Variants in VRK2 observed in about 807,000 individuals in gnomAD.
VRK2 encodes the protein serine/threonine-protein kinase VRK2.
VRK2 carries 60 observed loss-of-function variants against 57.6 expected under a neutral mutation model. The observed-to-expected ratio is 1.04, with a 90% confidence interval of 0.85 to 1.29. VRK2 has a LOEUF of 1.29. Among genes scored for constraint, VRK2 ranks in the 50% most tolerant of loss-of-function variants. The probability of loss-of-function intolerance (pLI) is 0.00; values close to 1 mark genes in which losing one functional copy is unlikely to be tolerated. For missense variants in VRK2, 705 were observed against 588.1 expected, an observed-to-expected ratio of 1.20 and a Z score of -2.06; for synonymous variants, 231 against 199.2, an observed-to-expected ratio of 1.16 and a Z score of -1.35.
chr2:58,047,480 G>A (rs967733813), intron 1 of VRK2: 10 of 985,190 alleles, frequency 1.0e-5, no homozygotes, highest in Non-Finnish European at 1.2e-5. Flanking sequence ...TGTACATTTC[G>A]TAGAGTCTCC....
At chr2:58,128,427 G>T (rs1230684273) in intron 8 of VRK2, among the ~76,000 whole-genome samples, 1 of 152,106 alleles carries the variant, frequency 6.6e-6, no homozygotes, top group Non-Finnish European at 1.5e-5. Context: ...CACTTCCTGG[G>T]TTCAAGCAAT....
intron 9 of VRK2, 145 bp downstream of exon 9, chr2:58,132,073 AAAC>A: frequency 1.0e-6 from 1 of 993,266 alleles, no homozygotes; most frequent in South Asian, 1.9e-5. Context: ...TGTTTTAAAA[AAAC>A]CAAACAACTA....
chr2:58,073,960 T>C (rs1669714613), intron 2 of VRK2, among the ~76,000 whole-genome samples: 1 of 152,024 alleles, frequency 6.6e-6, no homozygotes, highest in Non-Finnish European at 1.5e-5. Flanking sequence ...GACCTGCCTT[T>C]CCCAGCCCAC....
At chr2:57,942,229 T>G (rs1423097877) in intron 1 of VRK2, among the ~76,000 whole-genome samples, 1 of 152,256 alleles carries the variant, frequency 6.6e-6, no homozygotes, top group Non-Finnish European at 1.5e-5. Context: ...TGACTCATTC[T>G]GATGCTTCTA....
intron 7 of VRK2, among the ~76,000 whole-genome samples, chr2:58,106,482 T>C (rs1315712840): frequency 1.3e-5 from 2 of 152,040 alleles, no homozygotes; most frequent in Non-Finnish European, 2.9e-5. Context: ...TACTTTAATT[T>C]ATGGCAGTAT....
intron 1 of VRK2, among the ~76,000 whole-genome samples, chr2:57,964,563 G>C (rs1288608024): frequency 1.3e-5 from 2 of 152,110 alleles, no homozygotes; most frequent in Non-Finnish European, 2.9e-5. Flanking sequence ...TGTTGTTCAA[G>C]AGCCAAATGT....
intron 2 of VRK2, among the ~76,000 whole-genome samples, chr2:58,068,348 G>A (rs773249108): frequency 6.6e-6 from 1 of 152,078 alleles, no homozygotes; most frequent in Non-Finnish European, 1.5e-5. Flanking sequence ...ATGTTGGATT[G>A]ATAATTTTTT....
chr2:58,019,224 G>T (rs373169938), intron 1 of VRK2, among the ~76,000 whole-genome samples: 1 of 152,128 alleles, frequency 6.6e-6, no homozygotes, highest in Non-Finnish European at 1.5e-5. Context: ...AAATTTTTAC[G>T]TTGCTATCAC....
chr2:58,051,321 A>G (rs562365338), intron 2 of VRK2, among the ~76,000 whole-genome samples: 31 of 152,328 alleles, frequency 2.0e-4, no homozygotes, highest in African/African-American at 7.2e-4. Context: ...AGCTATTTTC[A>G]GAAAAAAGGC....
chr2:58,081,519 GTT>G (rs762930992), intron 2 of VRK2, among the ~76,000 whole-genome samples: 21 of 150,130 alleles, frequency 1.4e-4, no homozygotes, highest in Non-Finnish European at 2.7e-4. Context: ...GATGTTCTTT[GTT>G]ATCTTCTTTG....
intron 2 of VRK2, among the ~76,000 whole-genome samples, chr2:58,062,129 A>G (rs1424274842): frequency 6.6e-6 from 1 of 151,982 alleles, no homozygotes; most frequent in African/African-American, 2.4e-5. Flanking sequence ...CAATATTTCA[A>G]ACTTTTTTGT....
At chr2:58,138,930 T>G (rs1245140552) in intron 10 of VRK2, among the ~76,000 whole-genome samples, 5 of 152,198 alleles carry the variant, frequency 3.3e-5, no homozygotes, top group Non-Finnish European at 5.9e-5. Flanking sequence ...TGTTTGTAAC[T>G]GTTGGTTACT....
At chr2:58,007,388 T>C (rs1191586697) in intron 1 of VRK2, among the ~76,000 whole-genome samples, 1 of 151,942 alleles carries the variant, frequency 6.6e-6, no homozygotes, top group Non-Finnish European at 1.5e-5. Context: ...TAGGTCCACT[T>C]AACATGTGGA....
intron 1 of VRK2, among the ~76,000 whole-genome samples, chr2:57,991,061 CA>C (rs34721284): frequency 0.063 from 9,357 of 147,854 alleles, 979 homozygotes; most frequent in African/African-American, 0.22. Context: ...TTGCTTTAAA[CA>C]AAAAAAAAAC....
intron 10 of VRK2, among the ~76,000 whole-genome samples, chr2:58,135,441 C>CTT (rs201516911): frequency 0.015 from 1,925 of 130,454 alleles, 57 homozygotes; most frequent in African/African-American, 0.05. Flanking sequence ...CTGCTTAGTG[C>CTT]TTTTTTTTTT....
At chr2:57,937,997 A>G (rs113329317) in intron 1 of VRK2, among the ~76,000 whole-genome samples, 9,298 of 151,838 alleles carry the variant, frequency 0.061, 386 homozygotes, top group Non-Finnish European at 0.091. Flanking sequence ...ACACCCAGCT[A>G]ATTTTTGTAT....
rs1205548555 is a variant in VRK2 at position 57,991,791 on chromosome 2, C to CAA, written c.-438-33858_-438-33857dup. ...TGAAACCCCGTCTCTACTAAAAATACAAAAAAAAAAAAAAAAATTATCTGG... is the reference window on the plus strand; with the variant it reads ...TGAAACCCCGTCTCTACTAAAAATACAAAAAAAAAAAAAAAAAAATTATCTGG... On this transcript the variant is annotated intron_variant, in intron 1 of 15. Transcript: ENST00000417641. 4.4e-3 allele frequency among the ~76,000 whole-genome samples: 502 copies of CAA among 113,990 alleles called. 7 individuals are homozygous for CAA. The highest frequency in any genetic ancestry group is 0.02 in the East Asian group (81 of 4,018). The allele number at this position is 113,990 out of a possible 152,430, so 74.8% of individuals were successfully genotyped here. A position where few individuals can be genotyped will look rare whatever the true frequency, so the allele number is the denominator to read the frequency against.
intron 7 of VRK2, among the ~76,000 whole-genome samples, chr2:58,112,382 T>C (rs751159121): frequency 6.6e-6 from 1 of 152,198 alleles, no homozygotes; most frequent in Non-Finnish European, 1.5e-5. Flanking sequence ...CCTTTACTTA[T>C]TTGATGGTAT....
At chr2:57,929,827 T>A (rs1670661410) in intron 1 of VRK2, among the ~76,000 whole-genome samples, 1 of 152,138 alleles carries the variant, frequency 6.6e-6, no homozygotes, top group South Asian at 2.1e-4. Context: ...GGGTTCCTTT[T>A]TGGCCCAGGG....
Sources: gnomAD v4.1 joint callset for allele counts (sites outside exome capture counted in the v4.1 genomes callset) on GRCh38, gnomAD v4.1.1 for gene constraint, MANE v1.5 for transcripts, NCBI Gene and HGNC (gene_info 2026-07-23, HGNC 2026-07-21) for gene names.